PTPRG: variants seen among roughly 807,000 people sequenced by gnomAD.
PTPRG encodes receptor-type tyrosine-protein phosphatase gamma.
A neutral mutation model predicts 165.3 loss-of-function variants in PTPRG; 102 were observed. That is an observed-to-expected ratio of 0.62 (90% confidence interval 0.53 to 0.73). The LOEUF is 0.73. PTPRG is among the 30% of genes least tolerant of loss of function. The pLI is 0.00. For synonymous variants in PTPRG, 675 were observed against 669.5 expected, an observed-to-expected ratio of 1.01 and a Z score of -0.13; for missense variants, 1,866 against 1,861.4, an observed-to-expected ratio of 1.00 and a Z score of -0.05.
At chr3:61,966,944 A>G (rs1575831941) in intron 2 of PTPRG, among the ~76,000 whole-genome samples, 1 of 152,190 alleles carries the variant, frequency 6.6e-6, no homozygotes, top group South Asian at 2.1e-4. Flanking sequence ...CTGCCATAAA[A>G]CTTAAAGTTG....
chr3:61,745,623 C>T (rs529606637), intron 1 of PTPRG, among the ~76,000 whole-genome samples: 7 of 152,152 alleles, frequency 4.6e-5, no homozygotes, highest in East Asian at 1.9e-4. Context: ...TACCTCTTGT[C>T]GTATGTAGCA....
At chr3:62,272,495 T>C (rs1347989300) in intron 21 of PTPRG, among the ~76,000 whole-genome samples, 1 of 152,162 alleles carries the variant, frequency 6.6e-6, no homozygotes, top group Non-Finnish European at 1.5e-5. Context: ...TGTCGCTTGT[T>C]CTGTGATTTA....
intron 1 of PTPRG, among the ~76,000 whole-genome samples, chr3:61,703,448 C>T (rs182161431): frequency 9.2e-5 from 14 of 152,220 alleles, no homozygotes; most frequent in East Asian, 7.7e-4. Flanking sequence ...GGCTTTATTT[C>T]GTAGTATGGG....
At chr3:62,276,776 T>A (rs1182135579) in intron 24 of PTPRG, 196 bp from the exon 25 acceptor site, 3 of 558,038 alleles carry the variant, frequency 5.4e-6, no homozygotes, top group Non-Finnish European at 6.4e-6. Context: ...CCTGTGTCCT[T>A]CTGGGTATGT....
Position 62,203,466 on chromosome 3 carries a change from G to C in PTPRG, c.1671G>C (p.Glu557Asp). 1 of 1,583,434 alleles carries C rather than the reference G, an allele frequency of 6.3e-7. No homozygotes were observed. ...CTAGGCCAGTCCTAGCCACCACAGA[G>C]GCCTTGGCTTCTCCAGGGCCCGATG... is the stretch of plus-strand genomic sequence containing the variant. ...QAARPVLATT[E>D]ALASPGPDGD... The change falls in exon 12 of 30, where the codon GAG becomes GAC. Residue 557 changes from glutamate to aspartate, a missense_variant. Transcript: ENST00000474889. The surrounding 1 kb of genome is among the most constrained non-coding windows in gnomAD (Gnocchi z 6.4).
chr3:61,746,852 G>A (rs1443273745), intron 1 of PTPRG, among the ~76,000 whole-genome samples: 2 of 152,062 alleles, frequency 1.3e-5, no homozygotes, highest in African/African-American at 4.8e-5. Context: ...CTATGTTGTC[G>A]GACACTAAAA....
At chr3:61,882,908 C>T (rs567164570) in intron 2 of PTPRG, among the ~76,000 whole-genome samples, 4 of 152,296 alleles carry the variant, frequency 2.6e-5, no homozygotes, top group Admixed American at 2.0e-4. Flanking sequence ...CCTCTGCTGC[C>T]ATCTCAGGCC....
intron 1 of PTPRG, among the ~76,000 whole-genome samples, chr3:61,632,280 G>A (rs1270051312): frequency 6.6e-6 from 1 of 151,730 alleles, no homozygotes; most frequent in African/African-American, 2.4e-5. Context: ...TTGCACTCCA[G>A]TCTGGGTGAC....
chr3:61,965,230 G>A (rs113856022), intron 2 of PTPRG, among the ~76,000 whole-genome samples: 172 of 133,926 alleles, frequency 1.3e-3, no homozygotes, highest in Non-Finnish European at 1.7e-3. Context: ...GGCAACAAGA[G>A]CGAAACTCTG....
intron 1 of PTPRG, among the ~76,000 whole-genome samples, chr3:61,610,001 A>T (rs1575535666): frequency 6.8e-6 from 1 of 148,022 alleles, no homozygotes; most frequent in African/African-American, 2.5e-5. Context: ...TTATTTTCAC[A>T]CTTTAAAATG....
rs1421527345 is a variant in PTPRG, at chr3:62,255,283, T to G, written c.2559+68T>G. ...TTACTTTATGCAGATTTTTGTAAACTTGAACTGAATTCATTCCAAGCATAA... is the reference window on the plus strand; with the variant it reads ...TTACTTTATGCAGATTTTTGTAAACGTGAACTGAATTCATTCCAAGCATAA... On this transcript the variant is annotated intron_variant, in intron 16 of 29. Coordinates refer to ENST00000474889, the MANE Select transcript of PTPRG (RefSeq NM_002841.4). This position sits in a 1 kb window ranked among gnomAD's most constrained non-coding sequence, Gnocchi z 4.0. 2 of 1,196,366 alleles carry G rather than the reference T, an allele frequency of 1.7e-6. No individual in the cohort carries two copies. The highest frequency in any genetic ancestry group is 2.4e-5 in the East Asian group (1 of 41,658). 74.1% of individuals were successfully genotyped at this position (1,196,366 alleles called of 1,614,324 possible).
intron 1 of PTPRG, among the ~76,000 whole-genome samples, chr3:61,621,045 A>ATGTGTGTGTGTGTGTG (rs1414471842): frequency 5.2e-5 from 4 of 77,478 alleles, no homozygotes; most frequent in African/African-American, 1.4e-4. Context: ...ATATATATAT[A>ATGTGTGTGTGTGTGTG]TATATATGTG....
chr3:61,738,305 TATATATAC>T (rs1381947469), intron 1 of PTPRG, among the ~76,000 whole-genome samples: 1,134 of 99,888 alleles, frequency 0.011, 142 homozygotes, highest in African/African-American at 0.04. Context: ...TATATATATA[TATATATAC>T]ATATATATAT....
chr3:62,110,257 C>T (rs753840924), intron 5 of PTPRG, among the ~76,000 whole-genome samples: 1 of 151,964 alleles, frequency 6.6e-6, no homozygotes, highest in South Asian at 2.1e-4. Flanking sequence ...AGGACCCTAA[C>T]TGAAAGAGAT....
intron 5 of PTPRG, among the ~76,000 whole-genome samples, chr3:62,117,174 T>A (rs544142258): frequency 6.6e-6 from 1 of 152,270 alleles, no homozygotes; most frequent in Non-Finnish European, 1.5e-5. Flanking sequence ...TTATAGAGGG[T>A]TAAATTATGT....
intron 9 of PTPRG, among the ~76,000 whole-genome samples, chr3:62,193,570 G>T (rs967866571): frequency 1.3e-5 from 2 of 152,148 alleles, no homozygotes; most frequent in African/African-American, 4.8e-5. Context: ...CATATCATTT[G>T]AGCAGCATTT....
intron 2 of PTPRG, among the ~76,000 whole-genome samples, chr3:61,764,708 T>A (rs367894447): frequency 6.6e-6 from 1 of 152,214 alleles, no homozygotes; most frequent in Non-Finnish European, 1.5e-5. Flanking sequence ...TTCAATGTTA[T>A]ACCTTAAACT....
chr3:62,132,057 G>A (rs1253090050), intron 5 of PTPRG, among the ~76,000 whole-genome samples: 1 of 152,128 alleles, frequency 6.6e-6, no homozygotes, highest in African/African-American at 2.4e-5. Flanking sequence ...AGGAGGAAAT[G>A]AAGGTGGGAG....
chr3:61,703,002 A>G (rs1299915366), intron 1 of PTPRG, among the ~76,000 whole-genome samples: 1 of 152,216 alleles, frequency 6.6e-6, no homozygotes, highest in South Asian at 2.1e-4. Context: ...ATAAGGGATA[A>G]GGTTAAATGT....
Sources: allele counts gnomAD v4.1 joint callset (sites outside exome capture counted in the v4.1 genomes callset), GRCh38; gene constraint gnomAD v4.1.1; non-coding constraint Gnocchi (gnomAD v3.1); transcripts MANE v1.5; gene names NCBI Gene and HGNC (gene_info 2026-07-23, HGNC 2026-07-21).